FNDC3A: variants seen among roughly 807,000 people sequenced by gnomAD.
FNDC3A encodes fibronectin type-III domain-containing protein 3A.
FNDC3A carries 32 observed loss-of-function variants against 148.9 expected under a neutral mutation model. The ratio of observed to expected loss-of-function variants is 0.21; its 90% CI spans 0.16 to 0.29. The LOEUF is 0.29. Among genes scored for constraint, FNDC3A ranks in the 10% least tolerant of loss-of-function variants. The probability of loss-of-function intolerance (pLI) is 1.00; values close to 1 mark genes in which losing one functional copy is unlikely to be tolerated. For synonymous variants in FNDC3A, 472 were observed against 473.6 expected (o/e 1.00, Z 0.04); for missense variants, 1,191 against 1,452.8 (o/e 0.82, Z 2.93).
intron 7 of FNDC3A, among the ~76,000 whole-genome samples, chr13:49,144,839 A>T (rs1159040278): frequency 1.3e-5 from 2 of 152,186 alleles, no homozygotes; most frequent in African/African-American, 4.8e-5. Context: ...AACTGCAATC[A>T]CAGTGTATGT....
chr13:48,981,713 T>A (rs1227049591), intron 1 of FNDC3A, among the ~76,000 whole-genome samples: 1 of 152,128 alleles, frequency 6.6e-6, no homozygotes, highest in African/African-American at 2.4e-5. Flanking sequence ...AGATCTCTTA[T>A]GTGCTAGTTG....
At chr13:49,025,348 ATAT>A (rs1873625903) in intron 2 of FNDC3A, among the ~76,000 whole-genome samples, 1 of 152,024 alleles carries the variant, frequency 6.6e-6, no homozygotes, top group Non-Finnish European at 1.5e-5. Context: ...GTATATTCTA[ATAT>A]TTTCTTTTTT....
rs778380391 is a variant in FNDC3A at position 49,191,092 on chromosome 13, C to G, written c.2022C>G (p.Pro674=). 2 of 1,613,644 alleles carry G rather than the reference C, an allele frequency of 1.2e-6. No homozygotes were observed. Among genetic ancestry groups the G allele is most frequent in the Admixed American group, 3.3e-5 (2 of 59,954 alleles). Residue 674 remains proline, a synonymous_variant, in exon 18 of 26, where the codon CCC becomes CCG. Coordinates refer to ENST00000492622, the MANE Select transcript of FNDC3A (RefSeq NM_001079673.2). Reference sequence around the variant, plus strand: ...TCCCTCCCAGATTACAGGGTAGACCCAAAGCAAAAGAAATACAGTTACGAT... The same window carrying G: ...TCCCTCCCAGATTACAGGGTAGACCGAAAGCAAAAGAAATACAGTTACGAT... ...PCLPPRLQGR[P]KAKEIQLRWG...
At chr13:49,057,600 C>T (rs1400038144) in intron 2 of FNDC3A, among the ~76,000 whole-genome samples, 1 of 151,972 alleles carries the variant, frequency 6.6e-6, no homozygotes, top group Non-Finnish European at 1.5e-5. Context: ...ATTCATGTTG[C>T]CATTAATAGA....
At chr13:49,144,684 A>G (rs536108595) in intron 7 of FNDC3A, among the ~76,000 whole-genome samples, 17 of 152,322 alleles carry the variant, frequency 1.1e-4, no homozygotes, top group African/African-American at 3.8e-4. Context: ...AAAATATATA[A>G]AACATAATTG....
chr13:49,024,906 G>A (rs1231937057), intron 2 of FNDC3A, among the ~76,000 whole-genome samples: 3 of 151,898 alleles, frequency 2.0e-5, no homozygotes. Context: ...TTAAGTAGTA[G>A]TAGTTCATAT....
At chr13:49,187,304 A>T in intron 16 of FNDC3A, 114 bp downstream of exon 16, 1 of 940,282 alleles carries the variant, frequency 1.1e-6, no homozygotes, top group South Asian at 1.6e-5. Flanking sequence ...CATAAGGTAC[A>T]CCATAAAAAG....
rs539115811 is a variant in FNDC3A, at chr13:49,190,182, G to A, written c.1945-833G>A. Among the ~76,000 whole-genome samples the A allele has an allele frequency of 7.9e-5, 12 of 152,208 alleles. No individual in the cohort carries two copies. In the East Asian group the frequency reaches 1.9e-3, roughly 24 times the overall value. On this transcript the variant is annotated intron_variant, in intron 17 of 25. Coordinates refer to ENST00000492622, the MANE Select transcript of FNDC3A (RefSeq NM_001079673.2). ...ATTACAGGTGTGAGCCACCGCGCCC[G>A]GCCCAGTGTGGCATTGTTTTTAACA... is the stretch of plus-strand genomic sequence containing the variant.
chr13:48,983,428 T>G (rs1951730847), intron 1 of FNDC3A, among the ~76,000 whole-genome samples: 1 of 152,150 alleles, frequency 6.6e-6, no homozygotes, highest in South Asian at 2.1e-4. Context: ...GTAGTAAATA[T>G]TTTAGGCATT....
intron 2 of FNDC3A, among the ~76,000 whole-genome samples, chr13:49,074,051 A>G (rs1877925898): frequency 6.6e-6 from 1 of 151,940 alleles, no homozygotes; most frequent in Admixed American, 6.6e-5. Context: ...AGACTATGAG[A>G]GGGCATTCGA....
intron 14 of FNDC3A, among the ~76,000 whole-genome samples, chr13:49,183,728 T>TG (rs1885420264): frequency 6.6e-6 from 1 of 152,182 alleles, no homozygotes; most frequent in African/African-American, 2.4e-5. Context: ...TGAAAATCCA[T>TG]GTGACTGTGA....
chr13:49,197,064 C>A, intron 20 of FNDC3A, 74 bp downstream of exon 20: 1 of 894,010 alleles, frequency 1.1e-6, no homozygotes, highest in Non-Finnish European at 1.7e-6. Context: ...AATAAAGATA[C>A]TGTTCATTTT....
intron 1 of FNDC3A, among the ~76,000 whole-genome samples, chr13:48,985,835 T>C (rs1443480785): frequency 6.6e-6 from 1 of 152,328 alleles, no homozygotes; most frequent in East Asian, 1.9e-4. Context: ...ACAATGTTTG[T>C]ATGTGTATTT....
chr13:49,049,344 C>T (rs1875652664), intron 2 of FNDC3A, among the ~76,000 whole-genome samples: 1 of 151,984 alleles, frequency 6.6e-6, no homozygotes, highest in African/African-American at 2.4e-5. Context: ...AGGAGGATTC[C>T]CCCTTTCTCT....
intron 3 of FNDC3A, among the ~76,000 whole-genome samples, chr13:49,081,842 T>C (rs898590787): frequency 1.3e-5 from 2 of 152,212 alleles, no homozygotes; most frequent in African/African-American, 4.8e-5. Context: ...CTTTCTTATA[T>C]ACCTTTATAG....
rs375222400 is a variant in FNDC3A at position 49,191,194 on chromosome 13, C to A, written c.2051-15C>A. ...ATTCGTCTTGTTAAATTGCATTAAT[C>A]TTTCCATCTTTTAGGACCCCCTCTG... On this transcript the variant is annotated splice_polypyrimidine_tract_variant and intron_variant, in intron 18 of 25. Coordinates refer to ENST00000492622, the MANE Select transcript of FNDC3A (RefSeq NM_001079673.2). The A allele has an allele frequency of 8.4e-5, 135 of 1,604,974 alleles. No homozygotes were observed. The highest frequency in any genetic ancestry group is 1.1e-4 in the Non-Finnish European group (133 of 1,176,096).
chr13:49,089,218 T>C (rs1043545733), intron 3 of FNDC3A, among the ~76,000 whole-genome samples: 1 of 152,220 alleles, frequency 6.6e-6, no homozygotes, highest in Non-Finnish European at 1.5e-5. Context: ...ATTTAAAAAA[T>C]TAATTTAGTA....
At chr13:49,190,353 A>G (rs990872018) in intron 17 of FNDC3A, among the ~76,000 whole-genome samples, 2 of 152,218 alleles carry the variant, frequency 1.3e-5, no homozygotes, top group African/African-American at 2.4e-5. Flanking sequence ...TGAAGGAAAG[A>G]TAATCTTTTA....
At chr13:49,045,754 A>G in intron 2 of FNDC3A, 1 of 647,768 alleles carries the variant, frequency 1.5e-6, no homozygotes, top group Non-Finnish European at 2.5e-6. Context: ...CTTTGTTTTG[A>G]TTTTGACAGC....
Sources: gnomAD v4.1 joint callset for allele counts (sites outside exome capture counted in the v4.1 genomes callset) on GRCh38, gnomAD v4.1.1 for gene constraint, MANE v1.5 for transcripts, NCBI Gene and HGNC (gene_info 2026-07-23, HGNC 2026-07-21) for gene names.